MARCHF1: variants seen among roughly 807,000 people sequenced by gnomAD.
The protein encoded by MARCHF1 is membrane associated ring-CH-type finger 1, also known as E3 ubiquitin-protein ligase MARCHF1.
MARCHF1 carries 40 observed loss-of-function variants against 54.2 expected under a neutral mutation model. The observed-to-expected ratio is 0.74, with a 90% CI of 0.57 to 0.96. MARCHF1 has a LOEUF of 0.96. Among genes scored for constraint, MARCHF1 ranks in the 40% least tolerant of loss-of-function variants. The pLI is 0.00. For missense variants in MARCHF1, 586 were observed against 656.5 expected, an observed-to-expected ratio of 0.89 and a Z score of 1.17; for synonymous variants, 236 against 236.3, an observed-to-expected ratio of 1.00 and a Z score of 0.01.
At chr4:164,226,090 C>CCTTGGAGAATACTCCAAGGA (rs1370014860) in intron 1 of MARCHF1, among the ~76,000 whole-genome samples, 1 of 151,784 alleles carries the variant, frequency 6.6e-6, no homozygotes, top group African/African-American at 2.4e-5. Context: ...CTTTTTTTCT[C>CCTTGGAGAATACTCCAAGGA]GTATTCTCCT....
rs550664251 is a variant in MARCHF1, at chr4:163,929,872, T to C, written c.-39+58629A>G. ...ATATATTGTTTAACTAAGACACTTT[T>C]GTGAAAGAAAGAGGGCACTATAAAA... On this transcript the variant is annotated intron_variant, in intron 3 of 9. Coordinates refer to ENST00000514618, the MANE Select transcript of MARCHF1 (RefSeq NM_001394959.1). Among the ~76,000 whole-genome samples the C allele has an allele frequency of 1.0e-4, 15 of 144,228 alleles. 1 individual carries two copies. In the South Asian group the frequency reaches 2.4e-3, roughly 23 times the overall value. 94.6% of individuals were successfully genotyped at this position (144,228 alleles called of 152,430 possible).
intron 1 of MARCHF1, among the ~76,000 whole-genome samples, chr4:164,369,323 A>C (rs549270141): frequency 6.6e-6 from 1 of 152,296 alleles, no homozygotes; most frequent in South Asian, 2.1e-4. Flanking sequence ...GGACTGGAAA[A>C]TAGGCATAAA....
At chr4:164,235,737 G>GGAA (rs1198960681) in intron 1 of MARCHF1, among the ~76,000 whole-genome samples, 2 of 151,866 alleles carry the variant, frequency 1.3e-5, no homozygotes, top group Non-Finnish European at 2.9e-5. Context: ...ACTCAGAAGG[G>GGAA]GAAGAGTGGG....
chr4:164,189,722 CT>C (rs2111044400), intron 1 of MARCHF1: 1 of 1,134,198 alleles, frequency 8.8e-7, no homozygotes, highest in African/African-American at 1.5e-5. Flanking sequence ...AAGTCCATAT[CT>C]TTTCTATAGC....
At chr4:163,818,575 T>G (rs1235549579) in intron 4 of MARCHF1, among the ~76,000 whole-genome samples, 1 of 152,128 alleles carries the variant, frequency 6.6e-6, no homozygotes, top group Non-Finnish European at 1.5e-5. Flanking sequence ...ATTCCCACGT[T>G]GCTCTGGCCA....
In MARCHF1 at chr4:163,897,137, C is replaced by A. The variant is rs116576538; in HGVS notation, c.-38-42968G>T. On this transcript the variant is annotated intron_variant, in intron 3 of 9. Transcript: ENST00000514618. ...ATTTTTATGGAGTAACACTATAGACCTTGTCATTACCACCAACTGCATTAC... is the reference window on the plus strand; with the variant it reads ...ATTTTTATGGAGTAACACTATAGACATTGTCATTACCACCAACTGCATTAC... Among the ~76,000 whole-genome samples, 398 of 152,216 alleles carry A rather than the reference C, an allele frequency of 2.6e-3. 4 individuals carry two copies. Among genetic ancestry groups the A allele is most frequent in the African/African-American group, 9.2e-3 (384 of 41,528 alleles).
intron 9 of MARCHF1, among the ~76,000 whole-genome samples, chr4:163,541,624 A>T (rs973355953): frequency 6.6e-6 from 1 of 152,010 alleles, no homozygotes; most frequent in South Asian, 2.1e-4. Flanking sequence ...CATATGAGGA[A>T]TTTTTTTTCT....
chr4:163,607,399 T>C (rs1479392522), intron 7 of MARCHF1, among the ~76,000 whole-genome samples: 2 of 152,014 alleles, frequency 1.3e-5, no homozygotes, highest in Non-Finnish European at 2.9e-5. Flanking sequence ...ACATCCAATA[T>C]GGAAGGAATA....
At chr4:163,802,238 T>G (rs556864567) in intron 4 of MARCHF1, among the ~76,000 whole-genome samples, 4 of 152,270 alleles carry the variant, frequency 2.6e-5, no homozygotes, top group Non-Finnish European at 5.9e-5. Context: ...CTATCCGGTA[T>G]CAAAGCTATG....
At chr4:164,190,723 G>A (rs1731101736) in intron 1 of MARCHF1, among the ~76,000 whole-genome samples, 1 of 152,178 alleles carries the variant, frequency 6.6e-6, no homozygotes, top group South Asian at 2.1e-4. Context: ...AATTTTTAGA[G>A]AGACTATCTG....
At chr4:163,573,467 C>T (rs1269531313) in intron 8 of MARCHF1, among the ~76,000 whole-genome samples, 1 of 110,672 alleles carries the variant, frequency 9.0e-6, no homozygotes, top group Non-Finnish European at 1.8e-5. Flanking sequence ...CCCCCCTCCC[C>T]CCACCCCACA....
At chr4:164,173,513 T>C (rs577203287) in intron 1 of MARCHF1, among the ~76,000 whole-genome samples, 95 of 152,190 alleles carry the variant, frequency 6.2e-4, no homozygotes, top group Non-Finnish European at 1.2e-3. Flanking sequence ...CCAAATCCCA[T>C]GTTGAAATGT....
At chr4:164,381,132 A>G (rs1279822355) in intron 1 of MARCHF1, among the ~76,000 whole-genome samples, 1 of 152,150 alleles carries the variant, frequency 6.6e-6, no homozygotes, top group Non-Finnish European at 1.5e-5. Context: ...GAACATCACT[A>G]TTGCCTGCCC....
chr4:164,251,823 A>C (rs535618116), intron 1 of MARCHF1, among the ~76,000 whole-genome samples: 1 of 152,326 alleles, frequency 6.6e-6, no homozygotes, highest in Admixed American at 6.5e-5. Context: ...AACTAGAAAC[A>C]AAAAGGATAA....
chr4:164,050,257 G>A (rs545759610), intron 2 of MARCHF1, among the ~76,000 whole-genome samples: 5 of 121,618 alleles, frequency 4.1e-5, no homozygotes, highest in East Asian at 5.8e-4. Flanking sequence ...CCTGGGCGAC[G>A]GAGCGAGACA....
intron 1 of MARCHF1, among the ~76,000 whole-genome samples, chr4:164,172,227 A>T (rs566493372): frequency 1.3e-5 from 2 of 152,360 alleles, no homozygotes; most frequent in South Asian, 4.1e-4. Flanking sequence ...TGTGTTTAAT[A>T]AAATAAAATG....
chr4:164,197,456 G>C (rs554589177), intron 1 of MARCHF1: 1 of 1,613,582 alleles, frequency 6.2e-7, no homozygotes, highest in Non-Finnish European at 8.5e-7. Flanking sequence ...AGATGCGTGA[G>C]GTTTGGACAC....
intron 2 of MARCHF1, among the ~76,000 whole-genome samples, chr4:164,035,818 C>T (rs1279034138): frequency 1.3e-5 from 2 of 150,658 alleles, no homozygotes; most frequent in African/African-American, 2.4e-5. Context: ...CGGTGGCTTA[C>T]GCCTGTAATC....
chr4:163,740,442 T>C (rs977008031), intron 4 of MARCHF1, among the ~76,000 whole-genome samples: 1 of 152,174 alleles, frequency 6.6e-6, no homozygotes, highest in Non-Finnish European at 1.5e-5. Context: ...TTATTACTTA[T>C]AGCAATAGCA....
Sources: allele counts gnomAD v4.1 joint callset (sites outside exome capture counted in the v4.1 genomes callset), GRCh38; gene constraint gnomAD v4.1.1; transcripts MANE v1.5; gene names NCBI Gene and HGNC (gene_info 2026-07-23, HGNC 2026-07-21).